The following GRM7 variants were observed in gnomAD, a reference collection of about 807,000 sequenced individuals.
GRM7 encodes the protein glutamate metabotropic receptor 7.
GRM7 carries 35 observed loss-of-function variants against 84.5 expected under a neutral mutation model. The observed-to-expected ratio is 0.41, with a 90% CI of 0.32 to 0.55. The LOEUF (loss-of-function observed/expected upper bound fraction) is 0.55, where lower values mean the gene tolerates loss of function less well. Among genes scored for constraint, GRM7 ranks in the 20% least tolerant of loss-of-function variants. The pLI is 0.19. For missense variants in GRM7, 1,003 were observed against 1,194.6 expected (o/e 0.84, Z 2.36); for synonymous variants, 487 against 455.1 (o/e 1.07, Z -0.89).
At chr3:7,014,144 T>C (rs566917871) in intron 1 of GRM7, among the ~76,000 whole-genome samples, 10 of 152,188 alleles carry the variant, frequency 6.6e-5, no homozygotes, top group African/African-American at 2.2e-4. Context: ...CTACCTCTAC[T>C]GATGATCATT....
At chr3:7,063,647 A>G (rs1697511730) in intron 1 of GRM7, among the ~76,000 whole-genome samples, 2 of 151,746 alleles carry the variant, frequency 1.3e-5, no homozygotes, top group Admixed American at 1.3e-4. Flanking sequence ...CTCACACCTG[A>G]AAGTATCTTG....
At chr3:7,317,853 A>G (rs1700638269) in intron 4 of GRM7, among the ~76,000 whole-genome samples, 1 of 152,078 alleles carries the variant, frequency 6.6e-6, no homozygotes, top group African/African-American at 2.4e-5. Flanking sequence ...AAGGAATTAC[A>G]GGCTTCTTGA....
At chr3:7,344,280 T>C (rs923119844) in intron 4 of GRM7, among the ~76,000 whole-genome samples, 1 of 152,150 alleles carries the variant, frequency 6.6e-6, no homozygotes, top group Non-Finnish European at 1.5e-5. Flanking sequence ...GTGTGTGTTG[T>C]TACCCTCTAT....
In GRM7 at chr3:7,369,305, T is replaced by A. The variant is rs374478141; in HGVS notation, c.1034-45718T>A. On this transcript the variant is annotated intron_variant, in intron 4 of 9. Coordinates refer to ENST00000357716, the MANE Select transcript of GRM7 (RefSeq NM_000844.4). Reference sequence around the variant, plus strand: ...ATGGCCTCAAGCGATCCTAAAGAGATGACTCTGATGTTGTCACCACGTGTC... The same window carrying A: ...ATGGCCTCAAGCGATCCTAAAGAGAAGACTCTGATGTTGTCACCACGTGTC... 2.0e-5 allele frequency among the ~76,000 whole-genome samples: 3 copies of A among 152,158 alleles called. No homozygotes were observed. In the South Asian group the frequency reaches 6.2e-4, roughly 31 times the overall value.
At chr3:7,473,330 G>A (rs1290915067) in intron 7 of GRM7, among the ~76,000 whole-genome samples, 1 of 152,012 alleles carries the variant, frequency 6.6e-6, no homozygotes, top group Admixed American at 6.6e-5. Flanking sequence ...ATAAAAATAT[G>A]GATGGGTGTG....
chr3:7,618,330 T>G (rs1697205210), intron 8 of GRM7, among the ~76,000 whole-genome samples: 1 of 152,072 alleles, frequency 6.6e-6, no homozygotes, highest in East Asian at 1.9e-4. Flanking sequence ...TCTTTTACCT[T>G]TGGAATTTGC....
intron 1 of GRM7, among the ~76,000 whole-genome samples, chr3:6,962,291 G>A (rs1307789864): frequency 6.6e-6 from 1 of 152,166 alleles, no homozygotes; most frequent in Admixed American, 6.5e-5. Flanking sequence ...TCGAATAAAT[G>A]CATGACAAAA....
intron 1 of GRM7, among the ~76,000 whole-genome samples, chr3:7,018,767 C>A (rs1695666390): frequency 6.6e-6 from 1 of 152,142 alleles, no homozygotes; most frequent in East Asian, 1.9e-4. Flanking sequence ...TTAGGCAATG[C>A]CAATTCTCTA....
At chr3:7,067,109 A>G (rs576345377) in intron 1 of GRM7, among the ~76,000 whole-genome samples, 1 of 152,126 alleles carries the variant, frequency 6.6e-6, no homozygotes, top group South Asian at 2.1e-4. Context: ...GAGAACTGGA[A>G]CAAGACAAGG....
chr3:7,314,249 T>G (rs1205773854), intron 4 of GRM7, among the ~76,000 whole-genome samples: 1 of 152,168 alleles, frequency 6.6e-6, no homozygotes, highest in African/African-American at 2.4e-5. Flanking sequence ...ATGATTCATC[T>G]AACTATGTCA....
intron 1 of GRM7, among the ~76,000 whole-genome samples, chr3:6,993,658 A>C (rs1694728914): frequency 6.6e-6 from 1 of 152,232 alleles, no homozygotes; most frequent in Non-Finnish European, 1.5e-5. Flanking sequence ...GACTCTATTC[A>C]GAGAAGCCAG....
intron 4 of GRM7, among the ~76,000 whole-genome samples, chr3:7,319,202 T>A (rs9848765): frequency 0.061 from 9,229 of 151,966 alleles, 721 homozygotes; most frequent in African/African-American, 0.18. Context: ...AGAGATAAGC[T>A]TAGGGGGTTG....
intron 2 of GRM7, among the ~76,000 whole-genome samples, chr3:7,183,519 C>T (rs932740558): frequency 1.3e-5 from 2 of 151,870 alleles, no homozygotes; most frequent in Admixed American, 6.6e-5. Flanking sequence ...CCCAGCTACT[C>T]GGGAGGCTGA....
At chr3:6,953,906 T>C (rs549108381) in intron 1 of GRM7, among the ~76,000 whole-genome samples, 54 of 152,146 alleles carry the variant, frequency 3.5e-4, no homozygotes, top group African/African-American at 9.9e-4. Flanking sequence ...GTGCTAAACA[T>C]GGTCCCAGGC....
chr3:7,073,488 A>G (rs1697955388), intron 1 of GRM7, among the ~76,000 whole-genome samples: 1 of 152,132 alleles, frequency 6.6e-6, no homozygotes, highest in Non-Finnish European at 1.5e-5. Context: ...TTATATTTGA[A>G]GGAAAAAAAT....
intron 4 of GRM7, among the ~76,000 whole-genome samples, chr3:7,311,036 A>G (rs1463916692): frequency 6.6e-6 from 1 of 152,182 alleles, no homozygotes; most frequent in Non-Finnish European, 1.5e-5. Flanking sequence ...GTCACATATA[A>G]TTAGTTATTC....
chr3:6,946,456 A>G (rs962947112), intron 1 of GRM7, among the ~76,000 whole-genome samples: 1 of 152,184 alleles, frequency 6.6e-6, no homozygotes, highest in African/African-American at 2.4e-5. Flanking sequence ...TGTTTTGGTT[A>G]CTGTAGCCCT....
At chr3:7,243,486 A>G (rs1439782862) in intron 2 of GRM7, among the ~76,000 whole-genome samples, 1 of 152,100 alleles carries the variant, frequency 6.6e-6, no homozygotes, top group Non-Finnish European at 1.5e-5. Flanking sequence ...TTAAAATCCT[A>G]CAATAATGAG....
At chr3:6,955,544 AAG>A (rs1553601090) in intron 1 of GRM7, among the ~76,000 whole-genome samples, 2 of 149,660 alleles carry the variant, frequency 1.3e-5, no homozygotes, top group African/African-American at 5.1e-5. Flanking sequence ...CAAAAAAAAA[AAG>A]AAGAATAGAA....
Sources: gnomAD v4.1 joint callset for allele counts (sites outside exome capture counted in the v4.1 genomes callset) on GRCh38, gnomAD v4.1.1 for gene constraint, MANE v1.5 for transcripts, NCBI Gene and HGNC (gene_info 2026-07-23, HGNC 2026-07-21) for gene names.